The following PAK5 variants were observed in gnomAD, a reference collection of about 807,000 sequenced individuals.
PAK5 encodes the protein serine/threonine-protein kinase PAK 5.
PAK5 carries 16 observed loss-of-function variants against 65.9 expected under a neutral mutation model. That is an observed-to-expected ratio of 0.24 (90% CI 0.16 to 0.37). PAK5 has a LOEUF of 0.37. Ranked by LOEUF, PAK5 falls within the 10% of genes least tolerant of loss-of-function variation. PAK5 has a pLI of 1.00. For missense variants in PAK5, 785 were observed against 903.9 expected, an observed-to-expected ratio of 0.87 and a Z score of 1.69; for synonymous variants, 371 against 354.9, an observed-to-expected ratio of 1.05 and a Z score of -0.51.
intron 3 of PAK5, among the ~76,000 whole-genome samples, chr20:9,611,445 A>G (rs929084211): frequency 1.3e-5 from 2 of 152,108 alleles, no homozygotes; most frequent in Non-Finnish European, 1.5e-5. Context: ...CACTAACCCT[A>G]TCTTTTATAT....
intron 7 of PAK5, among the ~76,000 whole-genome samples, chr20:9,549,052 T>C (rs1320602959): frequency 6.6e-6 from 1 of 152,072 alleles, no homozygotes; most frequent in East Asian, 1.9e-4. Context: ...AAAAAGGGCC[T>C]TGTAGTTGTG....
intron 1 of PAK5, among the ~76,000 whole-genome samples, chr20:9,770,569 A>G (rs762416857): frequency 8.5e-5 from 13 of 152,184 alleles, no homozygotes; most frequent in Non-Finnish European, 1.9e-4. Context: ...CAAGATGGGC[A>G]TGAAGAGTTG....
At chr20:9,712,566 T>G (rs2048091056) in intron 1 of PAK5, among the ~76,000 whole-genome samples, 1 of 152,092 alleles carries the variant, frequency 6.6e-6, no homozygotes, top group African/African-American at 2.4e-5. Flanking sequence ...ACTAAAGCAA[T>G]GCTGAGCAGA....
chr20:9,602,398 C>A (rs1359197860), intron 3 of PAK5, among the ~76,000 whole-genome samples: 1 of 152,304 alleles, frequency 6.6e-6, no homozygotes, highest in Admixed American at 6.5e-5. Flanking sequence ...TGCTACCATA[C>A]AACCTAGGGA....
intron 5 of PAK5, among the ~76,000 whole-genome samples, chr20:9,564,711 A>G (rs6086938): frequency 0.36 from 54,364 of 151,948 alleles, 12,113 homozygotes; most frequent in African/African-American, 0.64. Context: ...ATCAGATATG[A>G]AGCCAAAGAC....
chr20:9,782,533 T>A (rs1195834288), intron 1 of PAK5, among the ~76,000 whole-genome samples: 2 of 152,150 alleles, frequency 1.3e-5, no homozygotes, highest in African/African-American at 4.8e-5. Flanking sequence ...CCGTGACATG[T>A]GGGTGGCAGG....
intron 1 of PAK5, among the ~76,000 whole-genome samples, chr20:9,792,613 A>G (rs373510882): frequency 3.9e-5 from 6 of 152,170 alleles, no homozygotes; most frequent in African/African-American, 1.4e-4. Flanking sequence ...TTAAGTGGAG[A>G]CAATCCTTTT....
At chr20:9,606,491 T>C (rs2046457394) in intron 3 of PAK5, among the ~76,000 whole-genome samples, 1 of 152,148 alleles carries the variant, frequency 6.6e-6, no homozygotes, top group African/African-American at 2.4e-5. Flanking sequence ...AGACCCCACA[T>C]GTGGACCGTA....
At chr20:9,660,792 A>T (rs1018561) in intron 2 of PAK5, among the ~76,000 whole-genome samples, 144,821 of 152,132 alleles carry the variant, frequency 0.95, 68,965 homozygotes, top group East Asian at 1. Context: ...GTTCAAGGAA[A>T]AGCAAGGAGG....
At chr20:9,699,450 T>G (rs2047910283) in intron 2 of PAK5, among the ~76,000 whole-genome samples, 1 of 151,554 alleles carries the variant, frequency 6.6e-6, no homozygotes, top group Non-Finnish European at 1.5e-5. Context: ...AGTAGAGAAA[T>G]AGCCTTGGGT....
In PAK5 at chr20:9,785,693, T is replaced by C. The variant is rs539251909; in HGVS notation, c.-162+53069A>G. The stretch of plus-strand genomic sequence containing the variant: ...CTAAGGCATAGGAGAGGAAAGTATT[T>C]GTATTTGTGAAGACCTTCTGCTAGT... On this transcript the variant is annotated intron_variant, in intron 1 of 9. Transcript: ENST00000353224. 2.1e-3 allele frequency among the ~76,000 whole-genome samples: 319 copies of C among 152,332 alleles called. 1 individual carries two copies. The highest frequency in any genetic ancestry group is 7.3e-3 in the African/African-American group (305 of 41,580).
At chr20:9,553,257 TAACC>T (rs1177517309) in intron 7 of PAK5, among the ~76,000 whole-genome samples, 2 of 152,164 alleles carry the variant, frequency 1.3e-5, no homozygotes, top group Non-Finnish European at 2.9e-5. Context: ...ACTAGTCAGC[TAACC>T]AAGGGAAGGC....
intron 3 of PAK5, among the ~76,000 whole-genome samples, chr20:9,589,973 G>C (rs982825256): frequency 6.6e-6 from 1 of 152,062 alleles, no homozygotes; most frequent in African/African-American, 2.4e-5. Context: ...TAAAAATCAA[G>C]ATGCTTTAAT....
intron 1 of PAK5, among the ~76,000 whole-genome samples, chr20:9,830,390 A>G (rs574192472): frequency 1.3e-5 from 2 of 152,352 alleles, no homozygotes; most frequent in Non-Finnish European, 2.9e-5. Context: ...AAGAATATGC[A>G]CTGATCTAAG....
intron 1 of PAK5, among the ~76,000 whole-genome samples, chr20:9,768,442 TG>T (rs1287051029): frequency 2.0e-5 from 3 of 148,224 alleles, no homozygotes; most frequent in African/African-American, 7.8e-5. Flanking sequence ...AACCTGTATA[TG>T]TACCCCCTGT....
intron 3 of PAK5, among the ~76,000 whole-genome samples, chr20:9,602,887 T>C (rs1382039020): frequency 6.6e-6 from 1 of 152,082 alleles, no homozygotes; most frequent in African/African-American, 2.4e-5. Flanking sequence ...AACTAGAAAA[T>C]AACAAAACAA....
chr20:9,620,020 C>T (rs1218384741), intron 3 of PAK5, among the ~76,000 whole-genome samples: 3 of 152,106 alleles, frequency 2.0e-5, no homozygotes, highest in Non-Finnish European at 4.4e-5. Flanking sequence ...AAACGTTGTC[C>T]AAGGATGAGA....
At chr20:9,796,403 A>T (rs2049104811) in intron 1 of PAK5, among the ~76,000 whole-genome samples, 2 of 152,112 alleles carry the variant, frequency 1.3e-5, no homozygotes, top group South Asian at 4.1e-4. Context: ...AACAACAGAC[A>T]CAAATGGCCC....
intron 7 of PAK5, among the ~76,000 whole-genome samples, chr20:9,548,044 G>A (rs1013892325): frequency 5.9e-5 from 9 of 152,276 alleles, no homozygotes; most frequent in Admixed American, 1.3e-4. Context: ...TACTGCTGGC[G>A]CAAACACACG....
Sources: gnomAD v4.1 joint callset for allele counts (sites outside exome capture counted in the v4.1 genomes callset) on GRCh38, gnomAD v4.1.1 for gene constraint, MANE v1.5 for transcripts, NCBI Gene and HGNC (gene_info 2026-07-23, HGNC 2026-07-21) for gene names.